Variants in PRMT9 observed in about 807,000 individuals in gnomAD.
PRMT9 encodes protein arginine N-methyltransferase 9.
PRMT9 carries 59 observed loss-of-function variants against 83.2 expected under a neutral mutation model. The observed-to-expected ratio is 0.71, with a 90% CI of 0.57 to 0.88. The LOEUF (loss-of-function observed/expected upper bound fraction) is 0.88, where lower values mean the gene tolerates loss of function less well. Among genes scored for constraint, PRMT9 ranks in the 40% least tolerant of loss-of-function variants. The pLI is 0.00. For missense variants in PRMT9, 947 were observed against 1,021.9 expected, an observed-to-expected ratio of 0.93 and a Z score of 1.00; for synonymous variants, 333 against 353.2, an observed-to-expected ratio of 0.94 and a Z score of 0.64.
intron 2 of PRMT9, among the ~76,000 whole-genome samples, chr4:147,676,786 CT>C (rs1214475312): frequency 3.9e-5 from 6 of 152,028 alleles, no homozygotes; most frequent in African/African-American, 1.4e-4. Flanking sequence ...TAGCTCATGT[CT>C]TTGGGCGCCA....
At chr4:147,653,201 A>C (rs1190628851) in intron 9 of PRMT9, among the ~76,000 whole-genome samples, 2 of 152,114 alleles carry the variant, frequency 1.3e-5, no homozygotes, top group African/African-American at 4.8e-5. Flanking sequence ...TAATCCCAGC[A>C]CTTTGGGAGG....
intron 1 of PRMT9, among the ~76,000 whole-genome samples, chr4:147,681,016 C>T (rs1040574621): frequency 2.0e-5 from 3 of 152,204 alleles, no homozygotes; most frequent in African/African-American, 4.8e-5. Context: ...ACTGAAGCAA[C>T]ATAAATCTTG....
chr4:147,678,986 A>C (rs907583064), intron 2 of PRMT9, among the ~76,000 whole-genome samples: 25 of 152,222 alleles, frequency 1.6e-4, no homozygotes, highest in Admixed American at 3.3e-4. Flanking sequence ...CCTTCCAGCA[A>C]ATCAGCAAAT....
intron 6 of PRMT9, among the ~76,000 whole-genome samples, chr4:147,667,944 C>T (rs1217702731): frequency 6.6e-6 from 1 of 150,738 alleles, no homozygotes; most frequent in Non-Finnish European, 1.5e-5. Context: ...AATTAATTTT[C>T]CATTAAAAAA....
At chr4:147,673,487 T>C (rs987632475) in intron 3 of PRMT9, 151 bp downstream of exon 3, 67 of 665,414 alleles carry the variant, frequency 1.0e-4, no homozygotes, top group Middle Eastern at 4.1e-4. Flanking sequence ...TGATAAAAGT[T>C]ATAGTAAAAA....
intron 9 of PRMT9, among the ~76,000 whole-genome samples, chr4:147,652,842 GC>G (rs1316745659): frequency 3.3e-5 from 5 of 152,028 alleles, no homozygotes; most frequent in African/African-American, 1.2e-4. Flanking sequence ...CTCCCTATGA[GC>G]AAATGAGTAA....
chr4:147,678,978 T>G (rs1284090019), intron 2 of PRMT9, among the ~76,000 whole-genome samples: 1 of 152,244 alleles, frequency 6.6e-6, no homozygotes, highest in African/African-American at 2.4e-5. Context: ...CTGTGAGCCC[T>G]TCCAGCAAAT....
intron 9 of PRMT9, among the ~76,000 whole-genome samples, chr4:147,652,211 A>C (rs1290909125): frequency 6.6e-6 from 1 of 152,102 alleles, no homozygotes; most frequent in East Asian, 1.9e-4. Flanking sequence ...AATTAATTTA[A>C]AAAAAACTGA....
chr4:147,656,659 A>G (rs1172858091), intron 8 of PRMT9, among the ~76,000 whole-genome samples: 1 of 150,564 alleles, frequency 6.6e-6, no homozygotes, highest in Non-Finnish European at 1.5e-5. Context: ...GTAGTCCCAT[A>G]TACTCAAGAG....
At chr4:147,679,927 T>C (rs1031621557) in intron 2 of PRMT9, among the ~76,000 whole-genome samples, 3 of 152,154 alleles carry the variant, frequency 2.0e-5, no homozygotes, top group Non-Finnish European at 4.4e-5. Context: ...TCTGATAAGA[T>C]ACTTCCCCAT....
At chr4:147,659,096 G>A (rs981373330) in intron 7 of PRMT9, among the ~76,000 whole-genome samples, 8 of 150,366 alleles carry the variant, frequency 5.3e-5, no homozygotes, top group Non-Finnish European at 8.9e-5. Flanking sequence ...GGAGAATGGC[G>A]TGAACCCGGA....
intron 6 of PRMT9, among the ~76,000 whole-genome samples, chr4:147,664,281 C>T (rs1001175798): frequency 1.3e-5 from 2 of 152,198 alleles, no homozygotes; most frequent in East Asian, 3.8e-4. Context: ...GTGCTCCAAC[C>T]AGGGCAACAC....
intron 7 of PRMT9, 47 bp downstream of exon 7, chr4:147,660,798 CA>C: frequency 2.5e-6 from 3 of 1,211,468 alleles, no homozygotes; most frequent in Non-Finnish European, 3.7e-6. Flanking sequence ...TTATTTTAAA[CA>C]ATGCATGAAA....
chr4:147,676,491 G>A (rs1029224424), intron 2 of PRMT9, among the ~76,000 whole-genome samples: 1 of 152,154 alleles, frequency 6.6e-6, no homozygotes, highest in Non-Finnish European at 1.5e-5. Context: ...CTAATTTGTA[G>A]AAAATGGATG....
intron 1 of PRMT9, among the ~76,000 whole-genome samples, chr4:147,681,238 T>C (rs1736449708): frequency 6.6e-6 from 1 of 152,196 alleles, no homozygotes; most frequent in South Asian, 2.1e-4. Context: ...TTAAATCTGT[T>C]ACCTCCTCTC....
chr4:147,654,204 T>A lies in PRMT9; in HGVS notation c.1693A>T (p.Met565Leu). 6.2e-7 allele frequency: 1 copy of A among 1,614,206 alleles called. No homozygotes were observed. Residue 565 changes from methionine (M) to leucine (L), a missense_variant, in exon 9 of 12, where the codon ATG becomes TTG. By Grantham distance (15) the Met-to-Leu change is conservative. Transcript: ENST00000322396. ...TTACTCTGTCCAGTTCCAGAGCTCA[T>A]CTCATTCTGACAGTGAGTATCCATG... ...QTMDTHCQNE[M>L]SSGTGQSNTV...
chr4:147,684,050 C>A lies in PRMT9; in HGVS notation c.-63G>T, dbSNP rs1016592959. On this transcript the variant is annotated 5_prime_UTR_variant, in exon 1 of 12. Coordinates refer to ENST00000322396, the MANE Select transcript of PRMT9 (RefSeq NM_138364.4). Reference sequence around the variant, plus strand: ...TGTAAACGTAATTAGAAAACTCTCTCGATGCTACACTTCCAGGGACCAGAC... The same window carrying A: ...TGTAAACGTAATTAGAAAACTCTCTAGATGCTACACTTCCAGGGACCAGAC... 40 of 1,507,892 alleles carry A rather than the reference C, an allele frequency of 2.7e-5. No homozygotes were observed. Among genetic ancestry groups the A allele is most frequent in the Non-Finnish European group, 3.4e-5 (38 of 1,102,390 alleles). The allele number at this position is 1,507,892 out of a possible 1,614,324, so 93.4% of individuals were successfully genotyped here.
intron 10 of PRMT9, among the ~76,000 whole-genome samples, chr4:147,640,968 C>T (rs1231607817): frequency 6.6e-6 from 1 of 152,138 alleles, no homozygotes; most frequent in African/African-American, 2.4e-5. Context: ...CCACTTTGGC[C>T]TCCCAAAGTG....
intron 9 of PRMT9, among the ~76,000 whole-genome samples, chr4:147,649,660 G>A (rs1305772785): frequency 1.3e-5 from 2 of 152,054 alleles, no homozygotes; most frequent in African/African-American, 2.4e-5. Flanking sequence ...GCGCCACCAC[G>A]CTTGGCTACG....
Sources: allele counts gnomAD v4.1 joint callset (sites outside exome capture counted in the v4.1 genomes callset), GRCh38; gene constraint gnomAD v4.1.1; transcripts MANE v1.5; gene names NCBI Gene and HGNC (gene_info 2026-07-23, HGNC 2026-07-21).